The following MAGI2 variants were observed in gnomAD, a reference collection of about 807,000 sequenced individuals.
MAGI2 encodes membrane-associated guanylate kinase, WW and PDZ domain-containing protein 2.
In MAGI2, 35 loss-of-function variants were observed where a neutral mutation model predicts 133.3. The observed-to-expected ratio is 0.26, with a 90% CI of 0.20 to 0.35. The LOEUF (loss-of-function observed/expected upper bound fraction) is 0.35. Among genes scored for constraint, MAGI2 ranks in the 10% least tolerant of loss-of-function variants. The probability of loss-of-function intolerance (pLI) is 1.00; values close to 1 mark genes in which losing one functional copy is unlikely to be tolerated. For synonymous variants in MAGI2, 729 were observed against 710.6 expected (o/e 1.03, Z -0.41); for missense variants, 1,636 against 1,863.4 (o/e 0.88, Z 2.25).
At chr7:78,729,598 G>C (rs767061913) in intron 2 of MAGI2, among the ~76,000 whole-genome samples, 6 of 152,226 alleles carry the variant, frequency 3.9e-5, no homozygotes, top group Non-Finnish European at 8.8e-5. Flanking sequence ...TAAGGATACA[G>C]TGGTGTACAA....
intron 3 of MAGI2, among the ~76,000 whole-genome samples, chr7:78,597,647 C>T (rs1331050889): frequency 1.3e-5 from 2 of 152,116 alleles, no homozygotes; most frequent in Admixed American, 6.6e-5. Flanking sequence ...CATAAACTGC[C>T]CTTATCCTTC....
intron 3 of MAGI2, among the ~76,000 whole-genome samples, chr7:78,563,029 G>T (rs1800577800): frequency 6.7e-6 from 1 of 148,158 alleles, no homozygotes. Context: ...TCATTTGATT[G>T]TAATTTCTTG....
intron 3 of MAGI2, among the ~76,000 whole-genome samples, chr7:78,579,828 A>C (rs1279483546): frequency 6.6e-6 from 1 of 152,066 alleles, no homozygotes; most frequent in Non-Finnish European, 1.5e-5. Context: ...GATCCATTCT[A>C]ACTAAGAACC....
intron 1 of MAGI2, among the ~76,000 whole-genome samples, chr7:79,334,398 G>A (rs1194774004): frequency 1.3e-5 from 2 of 152,036 alleles, no homozygotes; most frequent in African/African-American, 2.4e-5. Context: ...TTTAATTTAG[G>A]ACTTTTCCAT....
At chr7:78,692,300 G>T (rs777415667) in intron 2 of MAGI2, among the ~76,000 whole-genome samples, 2 of 152,156 alleles carry the variant, frequency 1.3e-5, no homozygotes, top group Non-Finnish European at 2.9e-5. Flanking sequence ...AGACTGAATG[G>T]TATTTATACT....
intron 10 of MAGI2, among the ~76,000 whole-genome samples, chr7:78,250,045 A>G (rs553510409): frequency 6.6e-6 from 1 of 150,500 alleles, no homozygotes; most frequent in Non-Finnish European, 1.5e-5. Flanking sequence ...AACAATATCC[A>G]TTAGCTTTAG....
chr7:78,713,303 C>G (rs183783905), intron 2 of MAGI2, among the ~76,000 whole-genome samples: 2 of 152,050 alleles, frequency 1.3e-5, no homozygotes, highest in African/African-American at 2.4e-5. Context: ...TTCTTGTGTA[C>G]TTATGTACTA....
chr7:78,376,207 G>T (rs1460190727), intron 6 of MAGI2, among the ~76,000 whole-genome samples: 1 of 151,790 alleles, frequency 6.6e-6, no homozygotes, highest in Non-Finnish European at 1.5e-5. Context: ...CATTCAGTCA[G>T]GAAAATAAAC....
At chr7:79,104,645 A>G (rs911148516) in intron 1 of MAGI2, among the ~76,000 whole-genome samples, 2 of 152,094 alleles carry the variant, frequency 1.3e-5, no homozygotes, top group Non-Finnish European at 2.9e-5. Context: ...TTAGCCTGGC[A>G]ACAGAGCGAG....
At chr7:78,723,624 G>A (rs116836899) in intron 2 of MAGI2, among the ~76,000 whole-genome samples, 1,932 of 152,192 alleles carry the variant, frequency 0.013, 50 homozygotes, top group African/African-American at 0.044. Flanking sequence ...AGAGCAAGAG[G>A]GTGTAGAGTG....
Position 79,289,574 on chromosome 7 carries a change from A to G in MAGI2, c.301+163446T>C, listed in dbSNP as rs548652588. The stretch of plus-strand genomic sequence containing the variant: ...TAACAAATAACAGTCATCCCTGAAT[A>G]TAGATCACCTAGTTTTATTAGACCC... On this transcript the variant is annotated intron_variant, in intron 1 of 21. Coordinates refer to ENST00000354212, the MANE Select transcript of MAGI2 (RefSeq NM_012301.4). Among the ~76,000 whole-genome samples, 19 of 152,298 alleles carry G rather than the reference A, an allele frequency of 1.2e-4. No individual in the cohort carries two copies. The East Asian group carries it at 3.5e-3, about 28-fold the overall frequency.
At chr7:79,109,466 A>G (rs936318920) in intron 1 of MAGI2, among the ~76,000 whole-genome samples, 1 of 152,210 alleles carries the variant, frequency 6.6e-6, no homozygotes, top group African/African-American at 2.4e-5. Context: ...TAATAATTTA[A>G]GGTATCTGGC....
At chr7:78,630,518 G>C (rs1027954267) in intron 2 of MAGI2, among the ~76,000 whole-genome samples, 1 of 146,092 alleles carries the variant, frequency 6.8e-6, no homozygotes, top group African/African-American at 2.5e-5. Flanking sequence ...CAGGGTTCAA[G>C]TGATTCTCCT....
At chr7:79,054,459 TC>T (rs1812959169) in intron 1 of MAGI2, among the ~76,000 whole-genome samples, 1 of 152,104 alleles carries the variant, frequency 6.6e-6, no homozygotes, top group Non-Finnish European at 1.5e-5. Context: ...ACATCATAAT[TC>T]TTTCTGTTAC....
intron 2 of MAGI2, among the ~76,000 whole-genome samples, chr7:78,689,999 T>C (rs994502874): frequency 6.6e-6 from 1 of 152,170 alleles, no homozygotes; most frequent in Non-Finnish European, 1.5e-5. Flanking sequence ...AGAATTCTCA[T>C]GCAAGTATAA....
chr7:78,512,914 T>A (rs1320369401), intron 4 of MAGI2, among the ~76,000 whole-genome samples: 2 of 152,112 alleles, frequency 1.3e-5, no homozygotes, highest in African/African-American at 2.4e-5. Context: ...TTGAAAAGAA[T>A]CACAGAAAGA....
chr7:78,781,144 T>C (rs1583862797), intron 2 of MAGI2, among the ~76,000 whole-genome samples: 1 of 152,140 alleles, frequency 6.6e-6, no homozygotes, highest in South Asian at 2.1e-4. Context: ...TCTGGGAGGC[T>C]GAGGCGGGCA....
At chr7:78,773,819 C>T (rs936471279) in intron 2 of MAGI2, among the ~76,000 whole-genome samples, 3 of 152,162 alleles carry the variant, frequency 2.0e-5, no homozygotes, top group African/African-American at 4.8e-5. Flanking sequence ...GGAATTTGTG[C>T]TTCATCTGAG....
At chr7:78,069,830 G>T (rs865818254) in intron 21 of MAGI2, among the ~76,000 whole-genome samples, 1 of 151,890 alleles carries the variant, frequency 6.6e-6, no homozygotes, top group Non-Finnish European at 1.5e-5. Context: ...GCCCTCTTGC[G>T]GGAGAGCTCA....
Sources: gnomAD v4.1 joint callset for allele counts (sites outside exome capture counted in the v4.1 genomes callset) on GRCh38, gnomAD v4.1.1 for gene constraint, MANE v1.5 for transcripts, NCBI Gene and HGNC (gene_info 2026-07-23, HGNC 2026-07-21) for gene names.